NUBPL: variants seen among roughly 807,000 people sequenced by gnomAD.
NUBPL encodes the protein iron-sulfur cluster transfer protein NUBPL.
In NUBPL, 31 loss-of-function variants were observed where a neutral mutation model predicts 45.7. The ratio of observed to expected loss-of-function variants is 0.68; its 90% CI spans 0.51 to 0.92. The LOEUF is 0.92. Among genes scored for constraint, NUBPL ranks in the 40% least tolerant of loss-of-function variants. The pLI, the probability that NUBPL is intolerant of heterozygous loss-of-function variation, is 0.00. For synonymous variants in NUBPL, 144 were observed against 140.9 expected, an observed-to-expected ratio of 1.02 and a Z score of -0.15; for missense variants, 401 against 398.7, an observed-to-expected ratio of 1.01 and a Z score of -0.05.
intron 6 of NUBPL, among the ~76,000 whole-genome samples, chr14:31,716,664 T>A (rs931740080): frequency 2.0e-5 from 3 of 152,180 alleles, no homozygotes; most frequent in Non-Finnish European, 4.4e-5. Flanking sequence ...CTAGGAACCT[T>A]TTCTGATTTT....
chr14:31,754,686 CAA>C (rs377641673), intron 6 of NUBPL, among the ~76,000 whole-genome samples: 2 of 133,456 alleles, frequency 1.5e-5, no homozygotes, highest in African/African-American at 5.5e-5. Context: ...GCTGGCTAAG[CAA>C]AAAAAAAATT....
At position 31,601,778 on chromosome 14, in the gene NUBPL, G is replaced by T. The variant is rs553121292; in HGVS notation, c.382+2399G>T. On this transcript the variant is annotated intron_variant, in intron 4 of 10. Coordinates refer to ENST00000281081, the MANE Select transcript of NUBPL (RefSeq NM_025152.3). ...GGATGTGGAGAAATAGGAACACTTT[G>T]ACACTGTTGGTGGGACTGTAAACTA... Among the ~76,000 whole-genome samples, 372 of 152,206 alleles carry T rather than the reference G, an allele frequency of 2.4e-3. 1 individual carries two copies. The highest frequency in any genetic ancestry group is 8.6e-3 in the African/African-American group (358 of 41,548).
chr14:31,793,841 A>T (rs12589250), intron 7 of NUBPL, among the ~76,000 whole-genome samples: 10,872 of 57,692 alleles, frequency 0.19, 922 homozygotes, highest in African/African-American at 0.4. Context: ...TTTTTTTTTT[A>T]TTTTTTTTTT....
chr14:31,578,172 T>C (rs1294023489), intron 3 of NUBPL: 2 of 436,166 alleles, frequency 4.6e-6, no homozygotes, highest in Non-Finnish European at 9.1e-6. Context: ...GGTAAGGGAG[T>C]TTATATCTTG....
intron 6 of NUBPL, among the ~76,000 whole-genome samples, chr14:31,736,616 G>T (rs1186043069): frequency 6.6e-6 from 1 of 152,104 alleles, no homozygotes; most frequent in Non-Finnish European, 1.5e-5. Context: ...GTTGACATCT[G>T]AGTTATTTCT....
intron 6 of NUBPL, among the ~76,000 whole-genome samples, chr14:31,717,819 A>G (rs2037722876): frequency 6.6e-6 from 1 of 151,838 alleles, no homozygotes; most frequent in South Asian, 2.1e-4. Context: ...GGCCCCGACT[A>G]CTGAACCTGA....
chr14:31,590,878 A>AT (rs1241436352), intron 3 of NUBPL, among the ~76,000 whole-genome samples: 1 of 151,994 alleles, frequency 6.6e-6, no homozygotes, highest in Non-Finnish European at 1.5e-5. Flanking sequence ...CTTTTATTTT[A>AT]TTTTTTTAAA....
At chr14:31,675,360 A>C (rs1161847905) in intron 6 of NUBPL, among the ~76,000 whole-genome samples, 1 of 152,184 alleles carries the variant, frequency 6.6e-6, no homozygotes, top group Non-Finnish European at 1.5e-5. Flanking sequence ...TTAGGCCTAC[A>C]CTGGGACTAA....
chr14:31,573,529 C>T (rs1263170801), intron 3 of NUBPL, among the ~76,000 whole-genome samples: 1 of 152,166 alleles, frequency 6.6e-6, no homozygotes, highest in Non-Finnish European at 1.5e-5. Context: ...CTGTCTTTGT[C>T]TCATGGAAGT....
intron 6 of NUBPL, among the ~76,000 whole-genome samples, chr14:31,745,771 T>C (rs1431106069): frequency 6.6e-6 from 1 of 151,882 alleles, no homozygotes; most frequent in African/African-American, 2.4e-5. Context: ...AGGCACTGTG[T>C]GTATGTTATT....
chr14:31,699,465 A>G (rs1403957535), intron 6 of NUBPL, among the ~76,000 whole-genome samples: 1 of 152,232 alleles, frequency 6.6e-6, no homozygotes, highest in African/African-American at 2.4e-5. Flanking sequence ...TATTATTTTT[A>G]CAAATGATGA....
chr14:31,812,166 CTTTT>C (rs2039819308), intron 7 of NUBPL, among the ~76,000 whole-genome samples: 1 of 152,206 alleles, frequency 6.6e-6, no homozygotes, highest in Non-Finnish European at 1.5e-5. Flanking sequence ...AACCACTGCT[CTTTT>C]CAGAGCTGTC....
chr14:31,821,303 A>T (rs1026632078), intron 7 of NUBPL, among the ~76,000 whole-genome samples: 1 of 152,340 alleles, frequency 6.6e-6, no homozygotes, highest in East Asian at 1.9e-4. Context: ...CAAAGGATTT[A>T]TAACCAGAAT....
chr14:31,623,190 T>C (rs1191773192), intron 4 of NUBPL, among the ~76,000 whole-genome samples: 2 of 152,248 alleles, frequency 1.3e-5, no homozygotes, highest in Admixed American at 1.3e-4. Context: ...GTAGCCCCTT[T>C]GTTTTGGCCA....
intron 4 of NUBPL, among the ~76,000 whole-genome samples, chr14:31,636,922 G>A (rs968474040): frequency 5.9e-5 from 9 of 152,032 alleles, no homozygotes; most frequent in Admixed American, 2.0e-4. Context: ...TATTTCTGTG[G>A]GATCAGTGGT....
At chr14:31,720,448 A>G (rs1158542511) in intron 6 of NUBPL, among the ~76,000 whole-genome samples, 2 of 152,258 alleles carry the variant, frequency 1.3e-5, no homozygotes, top group South Asian at 2.1e-4. Flanking sequence ...TTTCAAGGAC[A>G]TTCGTATTTT....
intron 3 of NUBPL, among the ~76,000 whole-genome samples, chr14:31,589,591 A>G (rs1306592533): frequency 1.3e-5 from 2 of 152,162 alleles, no homozygotes; most frequent in Non-Finnish European, 2.9e-5. Flanking sequence ...TAGAGGGGTG[A>G]AAGTGTATTA....
intron 4 of NUBPL, among the ~76,000 whole-genome samples, chr14:31,657,652 T>C (rs1456803819): frequency 6.6e-6 from 1 of 152,230 alleles, no homozygotes; most frequent in African/African-American, 2.4e-5. Context: ...GGCATTTTGG[T>C]CACTATAACA....
At chr14:31,651,834 G>A (rs1595438960) in intron 4 of NUBPL, among the ~76,000 whole-genome samples, 1 of 151,178 alleles carries the variant, frequency 6.6e-6, no homozygotes, top group African/African-American at 2.4e-5. Context: ...GGGAGGCAGA[G>A]CTTACAGTGA....
Sources: allele counts gnomAD v4.1 joint callset (sites outside exome capture counted in the v4.1 genomes callset), GRCh38; gene constraint gnomAD v4.1.1; transcripts MANE v1.5; gene names NCBI Gene and HGNC (gene_info 2026-07-23, HGNC 2026-07-21).